The following PTPRT variants were observed in gnomAD, a reference collection of about 807,000 sequenced individuals.
PTPRT encodes the protein receptor-type tyrosine-protein phosphatase T.
In PTPRT, 56 loss-of-function variants were observed where a neutral mutation model predicts 176.8. The observed-to-expected ratio is 0.32, with a 90% CI of 0.26 to 0.40. PTPRT has a LOEUF of 0.40. PTPRT is among the 10% of genes least tolerant of loss of function. PTPRT has a pLI of 1.00. For synonymous variants in PTPRT, 783 were observed against 739.0 expected (o/e 1.06, Z -0.96); for missense variants, 1,540 against 1,908.2 (o/e 0.81, Z 3.60).
At chr20:42,762,234 C>T (rs2076925524) in intron 5 of PTPRT, among the ~76,000 whole-genome samples, 1 of 152,040 alleles carries the variant, frequency 6.6e-6, no homozygotes, top group Non-Finnish European at 1.5e-5. Context: ...GTTTCCTTAT[C>T]CCCACTCTTT....
intron 1 of PTPRT, among the ~76,000 whole-genome samples, chr20:42,947,753 A>G (rs1404497864): frequency 6.6e-6 from 1 of 150,800 alleles, no homozygotes; most frequent in Non-Finnish European, 1.5e-5. Flanking sequence ...CCTTTCACTC[A>G]CTCTCCAATC....
At chr20:42,600,442 G>A (rs1249052773) in intron 7 of PTPRT, among the ~76,000 whole-genome samples, 3 of 152,024 alleles carry the variant, frequency 2.0e-5, no homozygotes, top group African/African-American at 4.8e-5. Flanking sequence ...ACCTGGCTGG[G>A]ATTTTTTATT....
At chr20:42,139,480 A>G (rs991570124) in intron 18 of PTPRT, among the ~76,000 whole-genome samples, 1 of 152,212 alleles carries the variant, frequency 6.6e-6, no homozygotes, top group African/African-American at 2.4e-5. Flanking sequence ...TTTCAAGCCC[A>G]TTAGGACTGC....
intron 1 of PTPRT, among the ~76,000 whole-genome samples, chr20:42,980,954 G>C (rs138267706): frequency 6.6e-6 from 1 of 152,252 alleles, no homozygotes; most frequent in Non-Finnish European, 1.5e-5. Flanking sequence ...GGAAGAGTGG[G>C]AGCCCAACTT....
intron 1 of PTPRT, among the ~76,000 whole-genome samples, chr20:43,177,285 A>G (rs1047963813): frequency 8.5e-5 from 13 of 152,240 alleles, no homozygotes; most frequent in African/African-American, 3.1e-4. Context: ...TGGACCTGAC[A>G]TATAGTGAAA....
In PTPRT at chr20:42,368,405, C is replaced by T. The variant is rs149957516; in HGVS notation, c.1561-16120G>A. 1.5e-3 allele frequency among the ~76,000 whole-genome samples: 225 copies of T among 152,162 alleles called. 4 individuals are homozygous for T. Among genetic ancestry groups the T allele is most frequent in the African/African-American group, 5.1e-3 (212 of 41,530 alleles). On this transcript the variant is annotated intron_variant, in intron 9 of 30. Transcript: ENST00000373187. ...AGTTCCCTGAGCTTTAGCAGATGTA[C>T]CCTCCAGCTTTAGCATCCCAGGGAC...
intron 16 of PTPRT, among the ~76,000 whole-genome samples, chr20:42,169,164 C>A (rs1989965347): frequency 6.6e-6 from 1 of 152,142 alleles, no homozygotes; most frequent in Admixed American, 6.5e-5. Flanking sequence ...TGGGGCATTT[C>A]CAAGCTCTTT....
chr20:42,269,460 A>C (rs899006802), intron 13 of PTPRT, among the ~76,000 whole-genome samples: 3 of 152,214 alleles, frequency 2.0e-5, no homozygotes, highest in Non-Finnish European at 2.9e-5. Context: ...GAAATCTCCA[A>C]GAAACTTCCC....
At chr20:42,177,928 C>T (rs760854) in intron 16 of PTPRT, among the ~76,000 whole-genome samples, 5,960 of 147,132 alleles carry the variant, frequency 0.041, 368 homozygotes, top group African/African-American at 0.14. Flanking sequence ...CTCCTTCCTT[C>T]TTTCCTTCCT....
chr20:42,116,739 T>G (rs1047905844), intron 21 of PTPRT, among the ~76,000 whole-genome samples: 1 of 152,152 alleles, frequency 6.6e-6, no homozygotes, highest in Non-Finnish European at 1.5e-5. Flanking sequence ...ACTAGGAACA[T>G]GGGCTCCTAT....
intron 11 of PTPRT, among the ~76,000 whole-genome samples, chr20:42,328,618 T>C (rs1317564851): frequency 6.6e-6 from 1 of 152,082 alleles, no homozygotes; most frequent in Non-Finnish European, 1.5e-5. Flanking sequence ...AAAAGAGTCA[T>C]AAAGATAAAC....
intron 6 of PTPRT, among the ~76,000 whole-genome samples, chr20:42,691,216 C>T (rs139522212): frequency 9.9e-5 from 15 of 152,236 alleles, no homozygotes; most frequent in Middle Eastern, 6.8e-3. Flanking sequence ...GCTGCCATAG[C>T]AGAACAAATA....
chr20:42,362,209 G>A (rs1029096147), intron 9 of PTPRT, among the ~76,000 whole-genome samples: 5 of 152,312 alleles, frequency 3.3e-5, no homozygotes, highest in Admixed American at 6.5e-5. Flanking sequence ...CGAGGCTGCG[G>A]TTAGGCAAGA....
intron 1 of PTPRT, among the ~76,000 whole-genome samples, chr20:43,081,670 A>T (rs1368445179): frequency 6.6e-6 from 1 of 152,182 alleles, no homozygotes; most frequent in Non-Finnish European, 1.5e-5. Context: ...GGTCTGAATG[A>T]TATCAGTTCT....
chr20:42,529,442 T>C (rs1283176514), intron 7 of PTPRT, among the ~76,000 whole-genome samples: 4 of 152,150 alleles, frequency 2.6e-5, no homozygotes, highest in African/African-American at 4.8e-5. Context: ...ATAACAGGTA[T>C]CATCAAGTCT....
intron 9 of PTPRT, among the ~76,000 whole-genome samples, chr20:42,390,765 A>C (rs1407043520): frequency 2.0e-5 from 3 of 152,188 alleles, no homozygotes; most frequent in Admixed American, 2.0e-4. Flanking sequence ...CAGAACCATA[A>C]GCTAAGTCAC....
intron 7 of PTPRT, among the ~76,000 whole-genome samples, chr20:42,610,038 C>T (rs2073947615): frequency 1.3e-5 from 2 of 152,176 alleles, no homozygotes; most frequent in Admixed American, 1.3e-4. Context: ...AAGCAGGCTT[C>T]AATTACTGCA....
intron 7 of PTPRT, among the ~76,000 whole-genome samples, chr20:42,537,034 G>T (rs1377443969): frequency 2.0e-5 from 3 of 151,878 alleles, no homozygotes; most frequent in Admixed American, 6.6e-5. Context: ...AAAAGAATTG[G>T]GTAAATATGT....
intron 7 of PTPRT, among the ~76,000 whole-genome samples, chr20:42,551,511 T>G (rs544544464): frequency 6.6e-6 from 1 of 152,300 alleles, no homozygotes; most frequent in African/African-American, 2.4e-5. Context: ...GAGATTTTTT[T>G]TGTTTGTTTG....
Sources: allele counts gnomAD v4.1 joint callset (sites outside exome capture counted in the v4.1 genomes callset), GRCh38; gene constraint gnomAD v4.1.1; transcripts MANE v1.5; gene names NCBI Gene and HGNC (gene_info 2026-07-23, HGNC 2026-07-21).